GPC6: variants seen among roughly 807,000 people sequenced by gnomAD.
GPC6 encodes glypican-6.
GPC6 carries 14 observed loss-of-function variants against 55.2 expected under a neutral mutation model. The ratio of observed to expected loss-of-function variants is 0.25; its 90% CI spans 0.17 to 0.40. GPC6 has a LOEUF of 0.40. Ranked by LOEUF, GPC6 falls within the 10% of genes least tolerant of loss-of-function variation. GPC6 has a pLI of 1.00. For synonymous variants in GPC6, 278 were observed against 259.6 expected (o/e 1.07, Z -0.68); for missense variants, 641 against 708.5 (o/e 0.90, Z 1.08).
chr13:93,301,426 T>C (rs1001871543), intron 1 of GPC6, among the ~76,000 whole-genome samples: 2 of 152,248 alleles, frequency 1.3e-5, no homozygotes, highest in African/African-American at 4.8e-5. Context: ...TTTCAGAGAA[T>C]GGGACCACCA....
intron 2 of GPC6, among the ~76,000 whole-genome samples, chr13:93,559,572 A>G (rs76743765): frequency 0.021 from 3,249 of 152,298 alleles, 108 homozygotes; most frequent in African/African-American, 0.073. Context: ...CAATTTTTTC[A>G]GATCACTGAA....
intron 4 of GPC6, among the ~76,000 whole-genome samples, chr13:94,220,355 T>G (rs1890346956): frequency 6.6e-6 from 1 of 151,958 alleles, no homozygotes; most frequent in African/African-American, 2.4e-5. Context: ...CTTACTAGAG[T>G]GAGAAGTGTA....
chr13:93,441,911 A>G (rs1486540468), intron 1 of GPC6, among the ~76,000 whole-genome samples: 1 of 152,184 alleles, frequency 6.6e-6, no homozygotes, highest in Non-Finnish European at 1.5e-5. Context: ...GGCATTGGAC[A>G]TAAACCTTTT....
At chr13:93,397,282 G>A (rs1490768472) in intron 1 of GPC6, among the ~76,000 whole-genome samples, 1 of 152,092 alleles carries the variant, frequency 6.6e-6, no homozygotes, top group African/African-American at 2.4e-5. Context: ...ATGTACAAAG[G>A]TTCCAATTTA....
intron 4 of GPC6, among the ~76,000 whole-genome samples, chr13:94,156,548 A>G (rs751670975): frequency 2.1e-4 from 32 of 152,152 alleles, no homozygotes; most frequent in Non-Finnish European, 4.4e-4. Flanking sequence ...CAAATGTGAT[A>G]GTACTGTTGG....
At chr13:93,506,659 C>A (rs1232213211) in intron 1 of GPC6, among the ~76,000 whole-genome samples, 1 of 151,960 alleles carries the variant, frequency 6.6e-6, no homozygotes, top group African/African-American at 2.4e-5. Flanking sequence ...GGTTCCATAA[C>A]CCACTTTATA....
intron 1 of GPC6, among the ~76,000 whole-genome samples, chr13:93,445,614 A>T (rs1375519170): frequency 6.6e-6 from 1 of 152,152 alleles, no homozygotes; most frequent in Non-Finnish European, 1.5e-5. Flanking sequence ...CCATGTTCCT[A>T]CCATCTCTAG....
chr13:94,131,395 C>T (rs1886996466), intron 4 of GPC6, among the ~76,000 whole-genome samples: 1 of 152,094 alleles, frequency 6.6e-6, no homozygotes, highest in Non-Finnish European at 1.5e-5. Flanking sequence ...AATACTAACT[C>T]ATTGGTAAAA....
chr13:93,915,024 C>A (rs979331672), intron 3 of GPC6, among the ~76,000 whole-genome samples: 1 of 152,162 alleles, frequency 6.6e-6, no homozygotes, highest in Non-Finnish European at 1.5e-5. Context: ...CAGCATGTCA[C>A]AAACTGAAAT....
chr13:93,432,048 G>T (rs1459850872), intron 1 of GPC6, among the ~76,000 whole-genome samples: 1 of 152,130 alleles, frequency 6.6e-6, no homozygotes, highest in Non-Finnish European at 1.5e-5. Flanking sequence ...TACGTCACCA[G>T]ATGTCACTAT....
chr13:94,245,873 T>G (rs1891180927), intron 4 of GPC6, among the ~76,000 whole-genome samples: 1 of 152,114 alleles, frequency 6.6e-6, no homozygotes, highest in Non-Finnish European at 1.5e-5. Context: ...TTATTTTATT[T>G]ATACACAGAA....
At chr13:93,555,330 AT>A (rs1875401084) in intron 2 of GPC6, among the ~76,000 whole-genome samples, 1 of 152,174 alleles carries the variant, frequency 6.6e-6, no homozygotes, top group Non-Finnish European at 1.5e-5. Flanking sequence ...AAGTTCAGAG[AT>A]TAGGTCTCCT....
At chr13:93,450,278 A>G (rs7985920) in intron 1 of GPC6, among the ~76,000 whole-genome samples, 90,602 of 152,090 alleles carry the variant, frequency 0.6, 27,964 homozygotes, top group Middle Eastern at 0.73. Context: ...GGAGGACACT[A>G]AAATAACAAG....
intron 3 of GPC6, among the ~76,000 whole-genome samples, chr13:93,923,025 T>C (rs752306060): frequency 5.9e-5 from 9 of 152,170 alleles, no homozygotes; most frequent in Non-Finnish European, 1.3e-4. Flanking sequence ...AACATCTTCT[T>C]ATTATGACAG....
intron 2 of GPC6, among the ~76,000 whole-genome samples, chr13:93,589,120 A>T (rs982549220): frequency 6.6e-6 from 1 of 152,210 alleles, no homozygotes. Context: ...AGAAAGTTGG[A>T]AAAAGAGTAC....
intron 2 of GPC6, among the ~76,000 whole-genome samples, chr13:93,632,246 T>A (rs953165776): frequency 6.6e-6 from 1 of 152,148 alleles, no homozygotes; most frequent in Non-Finnish European, 1.5e-5. Flanking sequence ...CCACTTGATA[T>A]CATTGGTGCT....
chr13:93,290,722 C>G (rs1224271102), intron 1 of GPC6, among the ~76,000 whole-genome samples: 1 of 152,016 alleles, frequency 6.6e-6, no homozygotes, highest in Non-Finnish European at 1.5e-5. Context: ...GTCATTTGTT[C>G]CAACCTTTGA....
chr13:93,580,247 G>T (rs1460910798), intron 2 of GPC6, among the ~76,000 whole-genome samples: 2 of 152,074 alleles, frequency 1.3e-5, no homozygotes, highest in African/African-American at 4.8e-5. Context: ...TTTTATGAGG[G>T]TACTAATCTC....
intron 3 of GPC6, among the ~76,000 whole-genome samples, chr13:93,897,579 A>G (rs151071210): frequency 5.3e-5 from 8 of 152,306 alleles, no homozygotes; most frequent in African/African-American, 1.7e-4. Flanking sequence ...CAGATTCACC[A>G]TATAATTTTA....
Sources: allele counts gnomAD v4.1 joint callset (sites outside exome capture counted in the v4.1 genomes callset), GRCh38; gene constraint gnomAD v4.1.1; transcripts MANE v1.5; gene names NCBI Gene and HGNC (gene_info 2026-07-23, HGNC 2026-07-21).